The following GSN variants were observed in gnomAD, a reference collection of about 807,000 sequenced individuals.
The protein encoded by GSN is actin-depolymerizing factor.
GSN carries 56 observed loss-of-function variants against 85.7 expected under a neutral mutation model. The ratio of observed to expected loss-of-function variants is 0.65; its 90% CI spans 0.53 to 0.82. The LOEUF (loss-of-function observed/expected upper bound fraction) is 0.82, where lower values mean the gene tolerates loss of function less well. Ranked by LOEUF, GSN falls within the 40% of genes least tolerant of loss-of-function variation. GSN has a pLI of 0.00. For synonymous variants in GSN, 373 were observed against 399.1 expected (o/e 0.93, Z 0.78); for missense variants, 857 against 979.8 (o/e 0.87, Z 1.67).
At chr9:121,271,912 T>C (rs1418491735) in intron 1 of GSN, among the ~76,000 whole-genome samples, 14 of 152,230 alleles carry the variant, frequency 9.2e-5, no homozygotes, top group Admixed American at 8.5e-4. Context: ...ATCAAGCTTA[T>C]GCTCTGGAAA....
At position 121,318,472 on chromosome 9, in the gene GSN, T is replaced by G; in HGVS notation, c.953T>G (p.Met318Arg). 6.2e-7 allele frequency: 1 copy of G among 1,613,778 alleles called. No homozygotes were observed. The highest frequency in any genetic ancestry group is 8.5e-7 in the Non-Finnish European group (1 of 1,179,742). ...ACAGCCTCTGACTTCATCACCAAGA[T>G]GGACTACCCCAAGCAGACTCAGGTG... is the stretch of plus-strand genomic sequence containing the variant. ...LKTASDFITK[M>R]DYPKQTQVSV... The change falls in exon 9 of 18, where the codon ATG becomes AGG. Residue 318 changes from methionine to arginine, a missense_variant. Coordinates refer to ENST00000432226, the MANE Select transcript of GSN (RefSeq NM_198252.3). The surrounding 1 kb of genome is among the most constrained non-coding windows in gnomAD (Gnocchi z 4.3).
At chr9:121,232,583 G>A (rs1434139170) in intron 5 of GSN, among the ~76,000 whole-genome samples, 1 of 152,124 alleles carries the variant, frequency 6.6e-6, no homozygotes, top group Non-Finnish European at 1.5e-5. Context: ...CGTAACATGA[G>A]GACTACCCAT....
intron 14 of GSN, among the ~76,000 whole-genome samples, chr9:121,328,176 C>T (rs764656495): frequency 2.2e-4 from 33 of 152,246 alleles, no homozygotes; most frequent in Non-Finnish European, 3.4e-4. Context: ...GAATGTGGGC[C>T]GGGCAGCTCT....
rs12006453 is a variant in GSN, at chr9:121,313,698, C to T, written c.664-236C>T. ...AAATATCTGAAGCGCTGTCTGGAGG[C>T]AGAGGAGCAGGAGTGTTCTCCTGGA... On this transcript the variant is annotated intron_variant, in intron 6 of 17. Coordinates refer to ENST00000432226, the MANE Select transcript of GSN (RefSeq NM_198252.3). The T allele has an allele frequency of 8.0e-3, 4,697 of 583,784 alleles. 186 individuals are homozygous for T. The highest frequency in any genetic ancestry group is 0.079 in the African/African-American group (4,223 of 53,734). 36.2% of individuals were successfully genotyped at this position (583,784 alleles called of 1,614,324 possible). A position where few individuals can be genotyped will look rare whatever the true frequency, so the allele number is the denominator to read the frequency against.
intron 10 of GSN, among the ~76,000 whole-genome samples, chr9:121,319,309 C>T (rs143097388): frequency 1.1e-3 from 171 of 151,828 alleles, no homozygotes; most frequent in Non-Finnish European, 1.9e-3. Context: ...AGGAGGGACT[C>T]GCTATGTTCG....
upstream of GSN, among the ~76,000 whole-genome samples, chr9:121,263,342 T>C (rs1186207799): frequency 1.3e-5 from 2 of 152,182 alleles, no homozygotes; most frequent in African/African-American, 4.8e-5. Flanking sequence ...TAGTGAAATA[T>C]AGTAAAATAA....
At chr9:121,228,416 ATATATATATTTTTTTTTTTT>A (rs2054314220) in intron 4 of GSN, among the ~76,000 whole-genome samples, 1 of 60,390 alleles carries the variant, frequency 1.7e-5, no homozygotes, top group African/African-American at 1.0e-4. Flanking sequence ...ATATATATAT[ATATATATATTTTTTTTTTTT>A]TTTTTTTTTT....
chr9:121,226,389 T>C (rs1168056647), intron 4 of GSN, among the ~76,000 whole-genome samples: 2 of 152,160 alleles, frequency 1.3e-5, no homozygotes, highest in African/African-American at 4.8e-5. Flanking sequence ...GCAACCCAGA[T>C]TGTATCAGGA....
chr9:121,299,924 G>C lies in GSN; in HGVS notation c.-9-2039G>C, dbSNP rs537300940. Reference sequence around the variant, plus strand: ...CGCTGTCCCTGGCGCTGTGCGCGCTGTCGCTGCCCGTCCGCGCGGCCACTG... The same window carrying C: ...CGCTGTCCCTGGCGCTGTGCGCGCTCTCGCTGCCCGTCCGCGCGGCCACTG... On this transcript the variant is annotated intron_variant, in intron 2 of 17. Coordinates refer to ENST00000432226, the MANE Select transcript of GSN (RefSeq NM_198252.3). The surrounding 1 kb of genome is among the most constrained non-coding windows in gnomAD (Gnocchi z 4.2). 70 of 1,258,512 alleles carry C rather than the reference G, an allele frequency of 5.6e-5. No homozygotes were observed. In the South Asian group the frequency reaches 2.1e-3, roughly 37 times the overall value. The allele number at this position is 1,258,512 out of a possible 1,614,324, so 78.0% of individuals were successfully genotyped here.
upstream of GSN, among the ~76,000 whole-genome samples, chr9:121,263,888 CAAAAAAA>C (rs34342246): frequency 1.4e-5 from 1 of 70,550 alleles, no homozygotes; most frequent in Admixed American, 1.6e-4. Context: ...AACTCCATCT[CAAAAAAA>C]AAAAAAAAAA....
chr9:121,213,111 A>C (rs2053997353), intron 4 of GSN, among the ~76,000 whole-genome samples: 1 of 152,306 alleles, frequency 6.6e-6, no homozygotes, highest in South Asian at 2.1e-4. Context: ...TGGGAAAGGT[A>C]CCATTTCTGG....
intron 1 of GSN, among the ~76,000 whole-genome samples, chr9:121,278,114 A>G (rs2056893438): frequency 6.6e-6 from 1 of 151,726 alleles, no homozygotes; most frequent in African/African-American, 2.4e-5. Context: ...TAGTGAGGTC[A>G]AGACGTAGGG....
intron 10 of GSN, among the ~76,000 whole-genome samples, chr9:121,320,320 G>T (rs1447883853): frequency 2.0e-5 from 3 of 152,218 alleles, no homozygotes; most frequent in African/African-American, 2.4e-5. Context: ...AGGTTGCCTC[G>T]TGGTGTCCCT....
At chr9:121,233,680 G>A (rs1443859149) in intron 5 of GSN, among the ~76,000 whole-genome samples, 1 of 152,130 alleles carries the variant, frequency 6.6e-6, no homozygotes. Flanking sequence ...ATAGAACCAT[G>A]AGAGATAACA....
At chr9:121,242,987 G>A (rs2054634410) in intron 5 of GSN, among the ~76,000 whole-genome samples, 2 of 152,098 alleles carry the variant, frequency 1.3e-5, no homozygotes, top group Admixed American at 1.3e-4. Context: ...CCCTATGGAG[G>A]GTACATTAGT....
chr9:121,202,750 T>C, the GSN span, among the ~76,000 whole-genome samples: 12 of 152,338 alleles, frequency 7.9e-5, no homozygotes, highest in African/African-American at 2.9e-4. Flanking sequence ...TACAACTGCA[T>C]TGATATAAAC....
intron 4 of GSN, among the ~76,000 whole-genome samples, chr9:121,224,127 T>C (rs143656338): frequency 0.017 from 2,574 of 152,056 alleles, 66 homozygotes; most frequent in African/African-American, 0.059. Flanking sequence ...GACGGAGTCT[T>C]GCTTTGTCGC....
intron 6 of GSN, among the ~76,000 whole-genome samples, chr9:121,256,355 G>A (rs904956685): frequency 6.6e-6 from 1 of 152,130 alleles, no homozygotes; most frequent in Non-Finnish European, 1.5e-5. Flanking sequence ...CCATTAAAAA[G>A]AATGAAATTT....
chr9:121,205,958 T>A (rs1348499018), upstream of GSN, among the ~76,000 whole-genome samples: 1 of 152,094 alleles, frequency 6.6e-6, no homozygotes, highest in Non-Finnish European at 1.5e-5. Context: ...GAATTTTGGT[T>A]CATAGGCTTA....
Sources: allele counts gnomAD v4.1 joint callset (sites outside exome capture counted in the v4.1 genomes callset), GRCh38; gene constraint gnomAD v4.1.1; non-coding constraint Gnocchi (gnomAD v3.1); transcripts MANE v1.5; gene names NCBI Gene and HGNC (gene_info 2026-07-23, HGNC 2026-07-21).